The following PYGM variants were observed in gnomAD, a reference collection of about 807,000 sequenced individuals.
The protein encoded by PYGM is glycogen phosphorylase, muscle form.
In PYGM, 81 loss-of-function variants were observed where a neutral mutation model predicts 99.3. That is an observed-to-expected ratio of 0.82 (90% CI 0.68 to 0.98). The LOEUF is 0.98. Ranked by LOEUF, PYGM falls within the 50% of genes least tolerant of loss-of-function variation. The probability of loss-of-function intolerance (pLI) is 0.00; values close to 1 mark genes in which losing one functional copy is unlikely to be tolerated. For missense variants in PYGM, 1,030 were observed against 1,158.1 expected, an observed-to-expected ratio of 0.89 and a Z score of 1.61; for synonymous variants, 436 against 451.5, an observed-to-expected ratio of 0.97 and a Z score of 0.44.
chr11:64,754,138 T>C lies in PYGM; in HGVS notation c.1093-113A>G. ...CAGTGCCAGGTTCCAGGACGGTCCC[T>C]CTGGCCTCAGGCTCTGATCCCTTCA... is the stretch of plus-strand genomic sequence containing the variant. On this transcript the variant is annotated intron_variant, in intron 9 of 19. Coordinates refer to ENST00000164139, the MANE Select transcript of PYGM (RefSeq NM_005609.4). This position sits in a 1 kb window ranked among gnomAD's most constrained non-coding sequence, Gnocchi z 5.5. 3 of 1,590,404 alleles carry C rather than the reference T, an allele frequency of 1.9e-6. No homozygotes were observed. The highest frequency in any genetic ancestry group is 2.2e-5 in the South Asian group (2 of 90,608).
chr11:64,750,631 C>T (rs1489613039), intron 16 of PYGM, 48 bp from the exon 17 acceptor site: 9 of 1,580,984 alleles, frequency 5.7e-6, no homozygotes, highest in African/African-American at 1.3e-5. Flanking sequence ...AAGACCCTCA[C>T]ACCAGCTGGG....
rs759336535 is a variant in PYGM at position 64,753,943 on chromosome 11, A to T, written c.1175T>A (p.Leu392His). The change falls in exon 10 of 20, where the codon CTC becomes CAC. Residue 392 changes from leucine (L) to histidine (H), a missense_variant. Leu to His is a moderately conservative substitution (Grantham distance 99). Coordinates refer to ENST00000164139, the MANE Select transcript of PYGM (RefSeq NM_005609.4). ...GTGCCGCGGCAGCAGCGTCTCCAAG[A>T]GGTGCACCGGCCAGCGCTCCAGGGC... Reference protein sequence around the residue: ...PEALERWPVHLLETLLPRHLQ... With the variant: ...PEALERWPVHHLETLLPRHLQ... 1 of 1,601,534 alleles carries T rather than the reference A, an allele frequency of 6.2e-7. No individual in the cohort carries two copies. Among genetic ancestry groups the T allele is most frequent in the Non-Finnish European group, 8.5e-7 (1 of 1,173,874 alleles).
intron 15 of PYGM, 30 bp downstream of exon 15, chr11:64,751,567 G>A (rs748617718): frequency 1.2e-6 from 2 of 1,614,068 alleles, no homozygotes; most frequent in Non-Finnish European, 8.5e-7. Context: ...TCAAAGGACG[G>A]GAGCCCAGGG....
chr11:64,747,053 G>A (rs995621101), intron 18 of PYGM, 66 bp from the exon 19 acceptor site: 102 of 1,590,330 alleles, frequency 6.4e-5, no homozygotes, highest in Non-Finnish European at 8.5e-5. Flanking sequence ...ATGAGGTCAA[G>A]GGCCAAGCCT....
chr11:64,755,027 A>C lies in PYGM; in HGVS notation c.856-191T>G, dbSNP rs2058385169. 6.6e-6 allele frequency among the ~76,000 whole-genome samples: 1 copy of C among 152,000 alleles called. No homozygotes were observed. Reference sequence around the variant, plus strand: ...GAGACAGTGTCAGGAAGAGGGGTACAAGAACCGAGTGTGTTGTGGGTGTCG... The same window carrying C: ...GAGACAGTGTCAGGAAGAGGGGTACCAGAACCGAGTGTGTTGTGGGTGTCG... On this transcript the variant is annotated intron_variant, in intron 7 of 19. Transcript: ENST00000164139. This position sits in a 1 kb window ranked among gnomAD's most constrained non-coding sequence, Gnocchi z 4.1.
intron 14 of PYGM, 125 bp downstream of exon 14, chr11:64,751,799 A>C: frequency 6.5e-7 from 1 of 1,531,390 alleles, no homozygotes; most frequent in Non-Finnish European, 9.0e-7. Flanking sequence ...CATCTGTGAA[A>C]TGGGGATAAT....
At chr11:64,757,100 T>G (rs965070789) in intron 5 of PYGM, among the ~76,000 whole-genome samples, 3 of 152,190 alleles carry the variant, frequency 2.0e-5, no homozygotes, top group Admixed American at 2.0e-4. Context: ...AATTTTTGTA[T>G]TTTTTGTAGA....
At chr11:64,747,483 G>T in intron 17 of PYGM, 125 bp from the exon 18 acceptor site, 1 of 1,289,382 alleles carries the variant, frequency 7.8e-7, no homozygotes, top group Non-Finnish European at 1.1e-6. Flanking sequence ...CCCCAGGGCT[G>T]CCACATCGCC....
chr11:64,760,352 G>T (rs551348986), upstream of PYGM: 1 of 203,460 alleles, frequency 4.9e-6, no homozygotes, highest in Non-Finnish European at 1.0e-5. Flanking sequence ...TGTGGTGCAG[G>T]AGCCAAGTCA....
At position 64,758,436 on chromosome 11, in the gene PYGM, C is replaced by A; in HGVS notation, c.424+1G>T. On this transcript the variant is annotated splice_donor_variant, in intron 3 of 19. Transcript: ENST00000164139. LOFTEE classifies it high-confidence loss of function. ...CCACCCTCACGGCCCTGTCTTCTTA[C>A]CTGCCAGCCGGCCCAGGCCCCCGTT... is the stretch of plus-strand genomic sequence containing the variant. The A allele has an allele frequency of 1.2e-6, 2 of 1,613,860 alleles. No individual in the cohort carries two copies. The highest frequency in any genetic ancestry group is 2.2e-5 in the South Asian group (2 of 91,086).
In PYGM at chr11:64,755,611, C is replaced by A; in HGVS notation, c.661-53G>T. On this transcript the variant is annotated intron_variant, in intron 5 of 19. Coordinates refer to ENST00000164139, the MANE Select transcript of PYGM (RefSeq NM_005609.4). This position sits in a 1 kb window ranked among gnomAD's most constrained non-coding sequence, Gnocchi z 4.1. ...GGCCAGCCCTGGCAATTGCCTCCCT[C>A]CCCTCAGGGCTGGGACTCAAGGCTT... The A allele has an allele frequency of 1.4e-6, 2 of 1,399,636 alleles. No homozygotes were observed. Among genetic ancestry groups the A allele is most frequent in the Non-Finnish European group, 1.0e-6 (1 of 991,084 alleles). 86.7% of individuals were successfully genotyped at this position (1,399,636 alleles called of 1,614,324 possible).
chr11:64,754,412 C>T lies in PYGM; in HGVS notation c.1000-67G>A, dbSNP rs1469092455. The T allele has an allele frequency of 1.4e-6, 2 of 1,386,686 alleles. No individual in the cohort carries two copies. The highest frequency in any genetic ancestry group is 3.5e-5 in the Admixed American group (2 of 57,650). 85.9% of individuals were successfully genotyped at this position (1,386,686 alleles called of 1,614,324 possible). On this transcript the variant is annotated intron_variant, in intron 8 of 19. Transcript: ENST00000164139. The surrounding 1 kb of genome is among the most constrained non-coding windows in gnomAD (Gnocchi z 5.5). ...TCCATGCTATGGTCACTGCCCTATG[C>T]CATTTGGAGGCCCCCAGAGAGCCCA... is the stretch of plus-strand genomic sequence containing the variant.
chr11:64,758,219 C>T (rs756030558), intron 4 of PYGM, 27 bp downstream of exon 4: 24 of 1,584,748 alleles, frequency 1.5e-5, no homozygotes, highest in Non-Finnish European at 1.9e-5. Flanking sequence ...TGACTAGACC[C>T]CACAAGTTAG....
At chr11:64,757,297 A>C (rs976686758) in intron 5 of PYGM, among the ~76,000 whole-genome samples, 1 of 152,060 alleles carries the variant, frequency 6.6e-6, no homozygotes, top group African/African-American at 2.4e-5. Context: ...AACTCAAGCC[A>C]TACTGTCACC....
At position 64,758,423 on chromosome 11, in the gene PYGM, C is replaced by T. The variant is rs1304055299; in HGVS notation, c.424+14G>A. 1 of 1,613,676 alleles carries T rather than the reference C, an allele frequency of 6.2e-7. No individual in the cohort carries two copies. The highest frequency in any genetic ancestry group is 1.7e-5 in the Admixed American group (1 of 60,020). On this transcript the variant is annotated intron_variant, in intron 3 of 19. Coordinates refer to ENST00000164139, the MANE Select transcript of PYGM (RefSeq NM_005609.4). ...CCATCGGCCCACTCCACCCTCACGGCCCTGTCTTCTTACCTGCCAGCCGGC... is the reference window on the plus strand; with the variant it reads ...CCATCGGCCCACTCCACCCTCACGGTCCTGTCTTCTTACCTGCCAGCCGGC...
rs555856016 is a variant in PYGM, at chr11:64,759,853, C to T, written c.46G>A (p.Val16Met). ...TTCTCCACGCCGGCCAGGCCACGCA[C>T]ACTGATTTGCTTTCTTTTCTCTTGG... Reference protein sequence around the residue: ...SDQEKRKQISVRGLAGVENVT... With the variant: ...SDQEKRKQISMRGLAGVENVT... Residue 16 changes from valine (V) to methionine (M), a missense_variant, in exon 1 of 20, where the codon GTG (valine) becomes ATG (methionine). Physicochemically the swap from Val to Met is conservative, Grantham distance 21 (BLOSUM62 1). Transcript: ENST00000164139. 6.2e-7 allele frequency: 1 copy of T among 1,614,232 alleles called. No individual in the cohort carries two copies. The highest frequency in any genetic ancestry group is 2.2e-5 in the East Asian group (1 of 44,888).
At chr11:64,752,560 A>C in intron 12 of PYGM, 56 bp from the exon 13 acceptor site, 4 of 1,500,148 alleles carry the variant, frequency 2.7e-6, no homozygotes, top group African/African-American at 2.8e-5. Context: ...TCCTCCCAAC[A>C]CAGAAGGGGC....
chr11:64,757,258 A>G (rs530179583), intron 5 of PYGM, among the ~76,000 whole-genome samples: 100 of 151,792 alleles, frequency 6.6e-4, no homozygotes, highest in African/African-American at 2.3e-3. Context: ...GGGTCTCTCT[A>G]TGTTGCCCAG....
intron 13 of PYGM, 125 bp from the exon 14 acceptor site, chr11:64,752,196 C>T (rs1367719938): frequency 2.8e-6 from 4 of 1,417,908 alleles, no homozygotes; most frequent in Admixed American, 1.7e-5. Flanking sequence ...CTGTCCACTC[C>T]TGTACCAGGG....
Sources: gnomAD v4.1 joint callset for allele counts (sites outside exome capture counted in the v4.1 genomes callset) on GRCh38, gnomAD v4.1.1 for gene constraint, Gnocchi (gnomAD v3.1) non-coding constraint, MANE v1.5 for transcripts, NCBI Gene and HGNC (gene_info 2026-07-23, HGNC 2026-07-21) for gene names.